The following UGT1A7 variants were observed in gnomAD, a reference collection of about 807,000 sequenced individuals.
UGT1A7 encodes the protein UDP-glucuronosyltransferase 1A7.
Under a neutral mutation model 45.6 loss-of-function variants are expected in UGT1A7, and 33 were observed. The observed-to-expected ratio is 0.72, with a 90% CI of 0.55 to 0.97. The LOEUF is 0.97. UGT1A7 is among the 50% of genes least tolerant of loss of function. UGT1A7 has a pLI of 0.00. For synonymous variants in UGT1A7, 274 were observed against 250.6 expected (o/e 1.09, Z -0.88); for missense variants, 684 against 666.2 (o/e 1.03, Z -0.29).
Position 233,682,237 on chromosome 2 carries a change from ACCATTG to A in UGT1A7, c.302_307del (p.Pro101_Leu102del). On this transcript the variant is annotated inframe_deletion, in exon 1 of 5. Transcript: ENST00000373426. The stretch of plus-strand genomic sequence containing the variant: ...TTTTTGCCGATGCTCGCTGGACGGC[ACCATTG>A]CGAAGTGCATTTTCTCTATTAACAA... The A allele has an allele frequency of 6.2e-7, 1 of 1,614,202 alleles. No individual in the cohort carries two copies. Among genetic ancestry groups the A allele is most frequent in the Non-Finnish European group, 8.5e-7 (1 of 1,180,032 alleles).
chr2:233,720,113 A>G (rs1489056833), intron 1 of UGT1A7, among the ~76,000 whole-genome samples: 1 of 152,208 alleles, frequency 6.6e-6, no homozygotes, highest in African/African-American at 2.4e-5. Flanking sequence ...CTTGCGAAAG[A>G]TACAGAGGTG....
chr2:233,772,131 CAAT>C, intron 4 of UGT1A7, 128 bp from the exon 5 acceptor site: 4 of 1,543,198 alleles, frequency 2.6e-6, no homozygotes, highest in Middle Eastern at 2.3e-4. Flanking sequence ...ACAACAACAA[CAAT>C]AATAGAAACA....
At chr2:233,727,474 C>A (rs2077619427) in intron 1 of UGT1A7, among the ~76,000 whole-genome samples, 1 of 152,182 alleles carries the variant, frequency 6.6e-6, no homozygotes, top group Non-Finnish European at 1.5e-5. Context: ...AAATAAAACA[C>A]TACTACTTGG....
chr2:233,757,842 T>G (rs904843638), intron 1 of UGT1A7, among the ~76,000 whole-genome samples: 1 of 151,920 alleles, frequency 6.6e-6, no homozygotes, highest in Non-Finnish European at 1.5e-5. Context: ...GCCTACTAAC[T>G]TATGTCTTCA....
chr2:233,729,516 G>T, intron 1 of UGT1A7: 1 of 1,614,186 alleles, frequency 6.2e-7, no homozygotes, highest in Non-Finnish European at 8.5e-7. Context: ...CTTGTGTGGA[G>T]CTACTACATA....
At chr2:233,717,810 ATGCAGCCCGTTCTGTTCTGGAGGAACCAT>A (rs1283928301) in intron 1 of UGT1A7, 9 of 455,784 alleles carry the variant, frequency 2.0e-5, no homozygotes, top group Non-Finnish European at 4.0e-5. Flanking sequence ...CCCACAAATT[ATGCAGCCCGTTCTGTTCTGGAGGAACCAT>A]TCTTATCAGA....
intron 1 of UGT1A7, among the ~76,000 whole-genome samples, chr2:233,699,699 G>A (rs1322177802): frequency 2.6e-5 from 4 of 152,198 alleles, no homozygotes; most frequent in African/African-American, 9.7e-5. Context: ...AACAATGAAT[G>A]TGGTTTTCTT....
chr2:233,690,402 C>A (rs1273231905), intron 1 of UGT1A7: 16 of 1,162,780 alleles, frequency 1.4e-5, no homozygotes, highest in Non-Finnish European at 1.8e-5. Flanking sequence ...TTCCTATTCC[C>A]AACATGAAAT....
Position 233,682,607 on chromosome 2 carries a change from T to C in UGT1A7, c.670T>C (p.Phe224Leu), listed in dbSNP as rs1418324238. 4 of 1,613,944 alleles carry C rather than the reference T, an allele frequency of 2.5e-6. No homozygotes were observed. The highest frequency in any genetic ancestry group is 3.4e-6 in the Non-Finnish European group (4 of 1,179,852). ...GGAACATTTATTTTGCCCCTATTTT[T>C]TCAAAAATGTCTTAGAAATAGCCTC... is the stretch of plus-strand genomic sequence containing the variant. ...LEEHLFCPYFFKNVLEIASEI... is the reference protein window; with the variant it reads ...LEEHLFCPYFLKNVLEIASEI... Residue 224 changes from phenylalanine (F) to leucine (L), a missense_variant, in exon 1 of 5, where the codon TTC (phenylalanine) becomes CTC (leucine). Transcript: ENST00000373426.
At chr2:233,743,741 G>A (rs374389189) in intron 1 of UGT1A7, 31 of 1,367,230 alleles carry the variant, frequency 2.3e-5, no homozygotes, top group Admixed American at 3.8e-5. Flanking sequence ...GCGTTTCTTG[G>A]CGTCCGACAA....
chr2:233,715,209 C>T (rs920759938), intron 1 of UGT1A7, among the ~76,000 whole-genome samples: 4 of 152,060 alleles, frequency 2.6e-5, no homozygotes, highest in African/African-American at 9.7e-5. Context: ...TTTAAAAGAC[C>T]CTCTACTGAA....
intron 1 of UGT1A7, among the ~76,000 whole-genome samples, chr2:233,749,087 T>C (rs1694105720): frequency 1.3e-5 from 2 of 151,858 alleles, no homozygotes; most frequent in African/African-American, 2.4e-5. Context: ...GTGTGCCATG[T>C]ATTTCATGAG....
chr2:233,752,828 G>A (rs1490866315), intron 1 of UGT1A7, among the ~76,000 whole-genome samples: 1 of 152,172 alleles, frequency 6.6e-6, no homozygotes, highest in Non-Finnish European at 1.5e-5. Context: ...TATGACATCA[G>A]TAATCTAGGA....
At chr2:233,686,149 A>G (rs1406546087) in intron 1 of UGT1A7, among the ~76,000 whole-genome samples, 1 of 152,206 alleles carries the variant, frequency 6.6e-6, no homozygotes, top group African/African-American at 2.4e-5. Flanking sequence ...TTAACTTGAA[A>G]TGGATCAAAG....
intron 1 of UGT1A7, chr2:233,713,976 T>C: frequency 6.3e-7 from 1 of 1,596,898 alleles, no homozygotes; most frequent in Non-Finnish European, 8.5e-7. Flanking sequence ...TTTCTGCTTC[T>C]CATTGTTGTA....
chr2:233,686,134 A>G (rs1344497843), intron 1 of UGT1A7, among the ~76,000 whole-genome samples: 2 of 152,216 alleles, frequency 1.3e-5, no homozygotes, highest in Non-Finnish European at 2.9e-5. Context: ...TATCATATAT[A>G]AAAATTAACT....
At chr2:233,735,887 T>A (rs2078706567) in intron 1 of UGT1A7, among the ~76,000 whole-genome samples, 1 of 152,242 alleles carries the variant, frequency 6.6e-6, no homozygotes, top group Non-Finnish European at 1.5e-5. Flanking sequence ...CTGCTGTTAG[T>A]CTGATGGGCT....
At chr2:233,712,316 A>C (rs1308909918) in intron 1 of UGT1A7, among the ~76,000 whole-genome samples, 1 of 151,652 alleles carries the variant, frequency 6.6e-6, no homozygotes, top group Non-Finnish European at 1.5e-5. Context: ...ATCCTCAACA[A>C]AGCCTTTCCA....
At chr2:233,750,355 T>C (rs1376976328) in intron 1 of UGT1A7, among the ~76,000 whole-genome samples, 7 of 151,880 alleles carry the variant, frequency 4.6e-5, no homozygotes, top group African/African-American at 1.5e-4. Context: ...TTGGAACTTA[T>C]GTTTAAAAGG....
Sources: gnomAD v4.1 joint callset for allele counts (sites outside exome capture counted in the v4.1 genomes callset) on GRCh38, gnomAD v4.1.1 for gene constraint, MANE v1.5 for transcripts, NCBI Gene and HGNC (gene_info 2026-07-23, HGNC 2026-07-21) for gene names.